Variants in PIKFYVE observed in about 807,000 individuals in gnomAD.
PIKFYVE encodes 1-phosphatidylinositol 3-phosphate 5-kinase.
Under a neutral mutation model 257.9 loss-of-function variants are expected in PIKFYVE, and 122 were observed. The ratio of observed to expected loss-of-function variants is 0.47; its 90% CI spans 0.41 to 0.55. PIKFYVE has a LOEUF of 0.55. Ranked by LOEUF, PIKFYVE falls within the 20% of genes least tolerant of loss-of-function variation. PIKFYVE has a pLI of 0.00. For missense variants in PIKFYVE, 2,160 were observed against 2,536.6 expected (o/e 0.85, Z 3.19); for synonymous variants, 892 against 868.9 (o/e 1.03, Z -0.47).
At chr2:208,322,471 G>C (rs575985037) in intron 17 of PIKFYVE, among the ~76,000 whole-genome samples, 69 of 148,474 alleles carry the variant, frequency 4.6e-4, no homozygotes, top group Non-Finnish European at 5.5e-4. Context: ...TTTAACCTCT[G>C]AACTAGCTAA....
In PIKFYVE at chr2:208,340,961, CTTATG is replaced by C. The variant is rs561160021; in HGVS notation, c.4931+836_4931+840del. 2.1e-3 allele frequency among the ~76,000 whole-genome samples: 316 copies of C among 151,980 alleles called. 1 individual carries two copies. Among genetic ancestry groups the C allele is most frequent in the African/African-American group, 7.1e-3 (295 of 41,470 alleles). On this transcript the variant is annotated intron_variant, in intron 31 of 41. Coordinates refer to ENST00000264380, the MANE Select transcript of PIKFYVE (RefSeq NM_015040.4). ...GTTTCTTGATTGGGCTTGGATCCCT[CTTATG>C]TTATGGTCTTTGTTCATGCTCTCAC...
rs147810197 is a variant in PIKFYVE, at chr2:208,279,648, A to G, written c.613+1940A>G. Among the ~76,000 whole-genome samples the G allele has an allele frequency of 3.5e-3, 534 of 152,300 alleles. 3 individuals are homozygous for G. Among genetic ancestry groups the G allele is most frequent in the African/African-American group, 0.012 (508 of 41,566 alleles). ...CCAGCTATTCCAGTGCCATTTATTG[A>G]ATAGAGAGTCCTTTCCCTGTTGTTC... On this transcript the variant is annotated intron_variant, in intron 5 of 41. Coordinates refer to ENST00000264380, the MANE Select transcript of PIKFYVE (RefSeq NM_015040.4).
intron 28 of PIKFYVE, among the ~76,000 whole-genome samples, chr2:208,337,430 A>G (rs1030304930): frequency 5.3e-5 from 8 of 152,064 alleles, no homozygotes; most frequent in South Asian, 2.1e-4. Context: ...AGATATATCT[A>G]TATAGATATT....
chr2:208,347,332 A>G (rs1045050897), intron 34 of PIKFYVE, among the ~76,000 whole-genome samples: 1 of 152,214 alleles, frequency 6.6e-6, no homozygotes, highest in Non-Finnish European at 1.5e-5. Flanking sequence ...TGGCTGTTTG[A>G]TGGCCTTTTT....
At chr2:208,316,846 G>A (rs1426585503) in intron 15 of PIKFYVE, among the ~76,000 whole-genome samples, 2 of 152,140 alleles carry the variant, frequency 1.3e-5, no homozygotes, top group Non-Finnish European at 2.9e-5. Flanking sequence ...ACAACTATCC[G>A]ATCTTTGACA....
In PIKFYVE at chr2:208,325,915, A is replaced by T. The variant is rs181830736; in HGVS notation, c.3104A>T (p.Glu1035Val). The T allele has an allele frequency of 5.0e-6, 8 of 1,614,140 alleles. No individual in the cohort carries two copies. In the East Asian group the frequency reaches 1.6e-4, roughly 31 times the overall value. The part of the protein sequence containing the change: ...LYVTEEVTSS[E>V]DKRKTYSLAF... The stretch of plus-strand genomic sequence containing the variant: ...GTTACTGAGGAAGTCACCTCCTCTG[A>T]AGATAAACGAAAGACTTATTCTTTG... Residue 1035 changes from glutamate to valine, a missense_variant, in exon 20 of 42, where the codon GAA becomes GTA. This residue lies in a region of PIKFYVE where 522 missense variants were observed against 514.6 expected (regional missense o/e 1.01). Coordinates refer to ENST00000264380, the MANE Select transcript of PIKFYVE (RefSeq NM_015040.4).
At chr2:208,307,657 T>C (rs967531270) in intron 12 of PIKFYVE, among the ~76,000 whole-genome samples, 1 of 152,008 alleles carries the variant, frequency 6.6e-6, no homozygotes, top group African/African-American at 2.4e-5. Context: ...CAGAATGTAT[T>C]GTGGTATTTA....
chr2:208,298,554 A>G (rs762937160), intron 7 of PIKFYVE, 87 bp from the exon 8 acceptor site: 13 of 1,438,740 alleles, frequency 9.0e-6, no homozygotes, highest in Admixed American at 1.8e-5. Flanking sequence ...GTAAATAAGC[A>G]TTTATTTAAA....
At chr2:208,324,400 T>C (rs1054110952) in intron 18 of PIKFYVE, 118 bp downstream of exon 18, 1 of 1,097,724 alleles carries the variant, frequency 9.1e-7, no homozygotes, top group African/African-American at 1.6e-5. Context: ...GTATTGAAAG[T>C]GGGACAGAAG....
In PIKFYVE at chr2:208,347,937, A is replaced by G. The variant is rs1372430155; in HGVS notation, c.5288A>G (p.Glu1763Gly). Residue 1763 changes from glutamate to glycine, a missense_variant, in exon 35 of 42, where the codon GAG becomes GGG. By Grantham distance (98) the Glu-to-Gly change is moderately conservative. Around this residue, in one of 12 missense-constraint regions of PIKFYVE, gnomAD observed 699 missense variants for 855.8 expected, o/e 0.82. Coordinates refer to ENST00000264380, the MANE Select transcript of PIKFYVE (RefSeq NM_015040.4). The stretch of plus-strand genomic sequence containing the variant: ...CCCGATCTCTCTTCCCAGAAGAGAG[A>G]GACCTTACGTGGAGCAGATAGTGCT... Reference protein sequence around the residue: ...KSPDLSSQKRETLRGADSAYY... With the variant: ...KSPDLSSQKRGTLRGADSAYY... 1.2e-6 allele frequency: 2 copies of G among 1,613,880 alleles called. No homozygotes were observed. Among genetic ancestry groups the G allele is most frequent in the African/African-American group, 2.7e-5 (2 of 74,916 alleles).
chr2:208,324,857 C>G (rs962851521), intron 18 of PIKFYVE, 54 bp from the exon 19 acceptor site: 1 of 1,587,370 alleles, frequency 6.3e-7, no homozygotes, highest in African/African-American at 1.3e-5. Context: ...ATTAAATTTA[C>G]AAAGATTTTT....
At position 208,354,787 on chromosome 2, in the gene PIKFYVE, CAAT is replaced by C. The variant is rs1700058497; in HGVS notation, c.6181+146_6181+148del. On this transcript the variant is annotated intron_variant, in intron 41 of 41. Coordinates refer to ENST00000264380, the MANE Select transcript of PIKFYVE (RefSeq NM_015040.4). ...CATTGTCATTTCTAAAGTGACCAAA[CAAT>C]AATGAGAATTATATAGGTGGGGAAA... The C allele has an allele frequency of 8.3e-6, 6 of 719,252 alleles. No individual in the cohort carries two copies. The East Asian group carries it at 1.3e-4, about 16-fold the overall frequency. The allele number at this position is 719,252 out of a possible 1,614,324, so 44.6% of individuals were successfully genotyped here.
intron 14 of PIKFYVE, 82 bp from the exon 15 acceptor site, chr2:208,315,111 G>T (rs1695345248): frequency 1.6e-6 from 2 of 1,234,800 alleles, no homozygotes; most frequent in Non-Finnish European, 2.3e-6. Context: ...TTATTTCTTT[G>T]TAGGCTGTTT....
intron 32 of PIKFYVE, among the ~76,000 whole-genome samples, chr2:208,344,383 A>C (rs146926758): frequency 1.3e-5 from 2 of 151,770 alleles, no homozygotes; most frequent in East Asian, 3.9e-4. Flanking sequence ...ATAATGAGGA[A>C]TTTTTTTCCT....
At chr2:208,273,301 T>C (rs1300399853) in intron 2 of PIKFYVE, among the ~76,000 whole-genome samples, 1 of 152,196 alleles carries the variant, frequency 6.6e-6, no homozygotes, top group Non-Finnish European at 1.5e-5. Context: ...TTGAATTTTC[T>C]TTTTTTAAAA....
intron 17 of PIKFYVE, among the ~76,000 whole-genome samples, chr2:208,321,806 C>T (rs1401320315): frequency 6.6e-6 from 1 of 151,940 alleles, no homozygotes; most frequent in Non-Finnish European, 1.5e-5. Flanking sequence ...TCTTGAGCTC[C>T]AGATGTCAGG....
intron 6 of PIKFYVE, among the ~76,000 whole-genome samples, chr2:208,288,043 T>G (rs757443136): frequency 1.3e-5 from 2 of 152,226 alleles, no homozygotes; most frequent in Non-Finnish European, 2.9e-5. Context: ...CTTACTTTAG[T>G]TAGTAATGCT....
intron 20 of PIKFYVE, among the ~76,000 whole-genome samples, chr2:208,327,476 A>T (rs547826518): frequency 6.6e-6 from 1 of 152,308 alleles, no homozygotes; most frequent in East Asian, 1.9e-4. Flanking sequence ...AATGACTTGG[A>T]TAAAGCCCAT....
At position 208,335,785 on chromosome 2, in the gene PIKFYVE, A is replaced by G. The variant is rs750164378; in HGVS notation, c.4257-8A>G. The G allele has an allele frequency of 1.4e-5, 22 of 1,592,792 alleles. No individual in the cohort carries two copies. In the East Asian group the frequency reaches 2.5e-4, roughly 18 times the overall value. ...TTCTAAAGTGTTTAATGCTCTCGCT[A>G]TTGTTAGAGTTTCACAGGTATATGT... On this transcript the variant is annotated splice_polypyrimidine_tract_variant and splice_region_variant and intron_variant, in intron 25 of 41. Coordinates refer to ENST00000264380, the MANE Select transcript of PIKFYVE (RefSeq NM_015040.4).
Sources: gnomAD v4.1 joint callset for allele counts (sites outside exome capture counted in the v4.1 genomes callset) on GRCh38, gnomAD v4.1.1 for gene constraint, gnomAD v4.1.1 regional missense constraint, MANE v1.5 for transcripts, NCBI Gene and HGNC (gene_info 2026-07-23, HGNC 2026-07-21) for gene names.